Variants in GRID2 observed in about 807,000 individuals in gnomAD.
GRID2 encodes the protein glutamate receptor ionotropic, delta-2.
In GRID2, 33 loss-of-function variants were observed where a neutral mutation model predicts 114.8. That is an observed-to-expected ratio of 0.29 (90% CI 0.22 to 0.38). The LOEUF (loss-of-function observed/expected upper bound fraction) is 0.38, where lower values mean the gene tolerates loss of function less well. Among genes scored for constraint, GRID2 ranks in the 10% least tolerant of loss-of-function variants. GRID2 has a pLI of 1.00. For synonymous variants in GRID2, 505 were observed against 449.9 expected (o/e 1.12, Z -1.55); for missense variants, 1,184 against 1,257.7 (o/e 0.94, Z 0.89).
At chr4:92,309,243 A>T (rs2110106614) in intron 1 of GRID2, among the ~76,000 whole-genome samples, 1 of 152,138 alleles carries the variant, frequency 6.6e-6, no homozygotes, top group Non-Finnish European at 1.5e-5. Context: ...ATTTTATCAT[A>T]TGGTAATTTT....
At chr4:93,050,697 A>C (rs1265698435) in intron 2 of GRID2, among the ~76,000 whole-genome samples, 1 of 152,084 alleles carries the variant, frequency 6.6e-6, no homozygotes, top group African/African-American at 2.4e-5. Context: ...TAAATTTGTA[A>C]GCAATTGCCT....
intron 14 of GRID2, among the ~76,000 whole-genome samples, chr4:93,740,818 G>A (rs764854574): frequency 2.6e-5 from 4 of 151,168 alleles, no homozygotes; most frequent in African/African-American, 4.9e-5. Flanking sequence ...ACTTGGGGGG[G>A]CAAGGATATT....
chr4:93,707,570 T>C (rs1408127733), intron 14 of GRID2, among the ~76,000 whole-genome samples: 1 of 152,036 alleles, frequency 6.6e-6, no homozygotes, highest in African/African-American at 2.4e-5. Context: ...TGATTTTATT[T>C]ATTTGGCTCT....
At chr4:93,130,533 AC>A in intron 4 of GRID2, among the ~76,000 whole-genome samples, 1 of 152,308 alleles carries the variant, frequency 6.6e-6, no homozygotes, top group Non-Finnish European at 1.5e-5. Flanking sequence ...TACCAGAGAA[AC>A]AAAAACTAAG....
intron 8 of GRID2, among the ~76,000 whole-genome samples, chr4:93,389,574 A>C (rs1764644692): frequency 6.6e-6 from 1 of 152,200 alleles, no homozygotes; most frequent in African/African-American, 2.4e-5. Flanking sequence ...ATACTATGAT[A>C]AGAGCTAGGA....
chr4:93,665,748 T>C (rs1723895503), intron 14 of GRID2, among the ~76,000 whole-genome samples: 1 of 152,210 alleles, frequency 6.6e-6, no homozygotes, highest in African/African-American at 2.4e-5. Context: ...TCATTTGCCA[T>C]GATGGTTACA....
rs1721755343 is a variant in GRID2, at chr4:93,442,928, GT to G, written c.1546-12732del. On this transcript the variant is annotated intron_variant, in intron 10 of 15. Transcript: ENST00000282020. The stretch of plus-strand genomic sequence containing the variant: ...AGTGTATGGCAACTCCAATTTTCAA[GT>G]TACTCAGTGCAAAACCTTTGAGTTG... Among the ~76,000 whole-genome samples the G allele has an allele frequency of 2.0e-5, 3 of 152,058 alleles. No homozygotes were observed. The East Asian group carries it at 5.8e-4, about 30-fold the overall frequency.
At chr4:93,301,656 C>T (rs566258835) in intron 8 of GRID2, among the ~76,000 whole-genome samples, 1 of 152,126 alleles carries the variant, frequency 6.6e-6, no homozygotes, top group Non-Finnish European at 1.5e-5. Flanking sequence ...ATCAAAGTAC[C>T]ACACAAGTTA....
chr4:92,638,466 T>C (rs1731181998), intron 2 of GRID2, among the ~76,000 whole-genome samples: 1 of 147,542 alleles, frequency 6.8e-6, no homozygotes, highest in African/African-American at 2.5e-5. Flanking sequence ...AATACATATA[T>C]GTATAATATA....
chr4:92,913,411 A>C (rs1451329352), intron 2 of GRID2, among the ~76,000 whole-genome samples: 1 of 151,728 alleles, frequency 6.6e-6, no homozygotes, highest in Non-Finnish European at 1.5e-5. Context: ...AACAACCTAC[A>C]TTTTTTCCAG....
intron 1 of GRID2, among the ~76,000 whole-genome samples, chr4:92,439,896 TA>T (rs1417873790): frequency 6.9e-6 from 1 of 145,562 alleles, no homozygotes; most frequent in African/African-American, 2.4e-5. Context: ...ACCGGCAGTG[TA>T]AACAAGAGCA....
At chr4:93,490,890 A>C in intron 12 of GRID2, 113 bp downstream of exon 12, 1 of 692,614 alleles carries the variant, frequency 1.4e-6, no homozygotes, top group Non-Finnish European at 2.4e-6. Flanking sequence ...CTTCTCTTTG[A>C]GTAAAGGATC....
chr4:92,584,510 T>G (rs985860496), intron 1 of GRID2, among the ~76,000 whole-genome samples: 2 of 152,020 alleles, frequency 1.3e-5, no homozygotes, highest in African/African-American at 4.8e-5. Context: ...AAGGTTGCAC[T>G]TTTTTCTTTA....
At chr4:93,283,819 T>A (rs1352038761) in intron 8 of GRID2, among the ~76,000 whole-genome samples, 1 of 152,144 alleles carries the variant, frequency 6.6e-6, no homozygotes, top group African/African-American at 2.4e-5. Flanking sequence ...TGAACTTCAC[T>A]ACTCTTTCAG....
intron 14 of GRID2, among the ~76,000 whole-genome samples, chr4:93,676,290 A>G (rs1217589041): frequency 1.3e-5 from 2 of 152,240 alleles, no homozygotes; most frequent in Non-Finnish European, 2.9e-5. Flanking sequence ...TCTTAAATGT[A>G]TGCTAAATGG....
At chr4:92,529,991 G>A (rs1725248606) in intron 1 of GRID2, among the ~76,000 whole-genome samples, 1 of 151,790 alleles carries the variant, frequency 6.6e-6, no homozygotes, top group African/African-American at 2.4e-5. Context: ...GCAACTGTAT[G>A]GAGTATATGT....
chr4:92,692,310 A>T (rs530657986), intron 2 of GRID2, among the ~76,000 whole-genome samples: 70 of 152,186 alleles, frequency 4.6e-4, no homozygotes, highest in Admixed American at 8.5e-4. Flanking sequence ...TCATTTTAAT[A>T]TATGTCTTAC....
intron 1 of GRID2, among the ~76,000 whole-genome samples, chr4:92,529,788 G>C (rs537792441): frequency 2.4e-4 from 37 of 152,238 alleles, no homozygotes; most frequent in Non-Finnish European, 4.1e-4. Flanking sequence ...GGGATGAATT[G>C]CAAGTAAAAG....
intron 10 of GRID2, among the ~76,000 whole-genome samples, chr4:93,452,511 G>A (rs1722786024): frequency 2.0e-5 from 3 of 152,064 alleles, no homozygotes; most frequent in Admixed American, 6.6e-5. Context: ...ATAGGATGAT[G>A]TTGAATGCAT....
Sources: allele counts gnomAD v4.1 joint callset (sites outside exome capture counted in the v4.1 genomes callset), GRCh38; gene constraint gnomAD v4.1.1; transcripts MANE v1.5; gene names NCBI Gene and HGNC (gene_info 2026-07-23, HGNC 2026-07-21).